The following MTRES1 variants were observed in gnomAD, a reference collection of about 807,000 sequenced individuals.
MTRES1 encodes uncharacterized protein C6orf203.
In MTRES1, 11 loss-of-function variants were observed where a neutral mutation model predicts 17.4. That is an observed-to-expected ratio of 0.63 (90% CI 0.40 to 1.05). MTRES1 has a LOEUF of 1.05. MTRES1 is among the 50% of genes least tolerant of loss of function. The pLI is 0.00. For missense variants in MTRES1, 268 were observed against 276.2 expected, an observed-to-expected ratio of 0.97 and a Z score of 0.21; for synonymous variants, 94 against 99.6, an observed-to-expected ratio of 0.94 and a Z score of 0.34.
rs570807770 is a variant in MTRES1, at chr6:107,034,208, G to A, written c.-12-5541G>A. ...CATTCCTCAAAGTAAACAACGGTACGGTATAAAGCTAGGACTTTTCTCAAA... is the reference window on the plus strand; with the variant it reads ...CATTCCTCAAAGTAAACAACGGTACAGTATAAAGCTAGGACTTTTCTCAAA... On this transcript the variant is annotated intron_variant, in intron 1 of 3. Transcript: ENST00000311381. Among the ~76,000 whole-genome samples the A allele has an allele frequency of 2.0e-5, 3 of 152,176 alleles. No homozygotes were observed. In the East Asian group the frequency reaches 5.8e-4, roughly 29 times the overall value.
intron 1 of MTRES1, among the ~76,000 whole-genome samples, chr6:107,032,846 C>G (rs570905934): frequency 6.6e-6 from 1 of 152,192 alleles, no homozygotes; most frequent in Non-Finnish European, 1.5e-5. Context: ...CCCCATAGCT[C>G]GGTTTCAGGC....
At chr6:107,028,793 C>A in intron 1 of MTRES1, 2 of 672,292 alleles carry the variant, frequency 3.0e-6, no homozygotes, top group Non-Finnish European at 3.7e-6. Context: ...TTCTTACAGT[C>A]TTCGGTTAGT....
chr6:107,031,890 C>G (rs554541505), intron 1 of MTRES1, among the ~76,000 whole-genome samples: 1 of 152,068 alleles, frequency 6.6e-6, no homozygotes, highest in Admixed American at 6.6e-5. Context: ...CATGAGCCAC[C>G]GTGTCCGGCC....
intron 3 of MTRES1, among the ~76,000 whole-genome samples, chr6:107,045,206 G>A (rs1185823127): frequency 6.6e-6 from 1 of 151,898 alleles, no homozygotes; most frequent in Non-Finnish European, 1.5e-5. Context: ...TTCTGGCTGG[G>A]CGCAGTGACT....
At chr6:107,035,828 T>C (rs568448320) in intron 1 of MTRES1, among the ~76,000 whole-genome samples, 1 of 152,034 alleles carries the variant, frequency 6.6e-6, no homozygotes, top group South Asian at 2.1e-4. Context: ...TTTGTGTTTT[T>C]AGTAGAGATG....
At chr6:107,034,522 C>T (rs1773943417) in intron 1 of MTRES1, among the ~76,000 whole-genome samples, 1 of 151,926 alleles carries the variant, frequency 6.6e-6, no homozygotes, top group African/African-American at 2.4e-5. Context: ...GGAGTCAGAA[C>T]ACTGATGGAC....
chr6:107,034,797 G>A (rs2114944737), intron 1 of MTRES1, among the ~76,000 whole-genome samples: 1 of 152,238 alleles, frequency 6.6e-6, no homozygotes, highest in Non-Finnish European at 1.5e-5. Context: ...AGACCAGCCT[G>A]ACCAACATGG....
At chr6:107,031,919 A>C (rs1268321450) in intron 1 of MTRES1, among the ~76,000 whole-genome samples, 1 of 152,160 alleles carries the variant, frequency 6.6e-6, no homozygotes, top group Non-Finnish European at 1.5e-5. Flanking sequence ...AGTCTTGAGA[A>C]GCAGCAGCCA....
chr6:107,043,970 T>TA (rs1554228083), intron 2 of MTRES1, among the ~76,000 whole-genome samples: 1 of 152,108 alleles, frequency 6.6e-6, no homozygotes, highest in Non-Finnish European at 1.5e-5. Flanking sequence ...CTACTAAAAA[T>TA]ACAAAAGTTA....
chr6:107,030,850 T>C (rs1319110442), intron 1 of MTRES1, among the ~76,000 whole-genome samples: 5 of 152,176 alleles, frequency 3.3e-5, no homozygotes, highest in Admixed American at 2.6e-4. Context: ...AGGCCTGTTA[T>C]GTTAACTCGT....
intron 1 of MTRES1, among the ~76,000 whole-genome samples, chr6:107,034,662 C>T (rs1031572422): frequency 2.0e-5 from 3 of 152,114 alleles, no homozygotes; most frequent in African/African-American, 7.2e-5. Flanking sequence ...AGAGCAATGC[C>T]TGGCCCACGG....
intron 2 of MTRES1, among the ~76,000 whole-genome samples, chr6:107,043,012 A>C (rs1774269178): frequency 1.3e-5 from 2 of 152,094 alleles, no homozygotes; most frequent in Non-Finnish European, 2.9e-5. Flanking sequence ...CTCAAAATGG[A>C]GACTGGGGAA....
At chr6:107,048,349 G>A (rs1363807178) in intron 3 of MTRES1, among the ~76,000 whole-genome samples, 1 of 151,792 alleles carries the variant, frequency 6.6e-6, no homozygotes, top group African/African-American at 2.4e-5. Flanking sequence ...TGGCCAGGCT[G>A]GTCTTGAACT....
At position 107,051,149 on chromosome 6, in the gene MTRES1, T is replaced by C. The variant is rs1554229169; in HGVS notation, c.636T>C (p.Phe212=). Residue 212 remains phenylalanine, a synonymous_variant, in exon 4 of 4, where the codon TTT becomes TTC. Transcript: ENST00000311381. ...TGCGGATTCTCTTGAAAAAAGTGTTTGAAGAGAAGACTGAAAGTGAAAAAT... is the reference window on the plus strand; with the variant it reads ...TGCGGATTCTCTTGAAAAAAGTGTTCGAAGAGAAGACTGAAAGTGAAAAAT... The part of the protein sequence containing the change: ...TVMRILLKKV[F]EEKTESEKYR... The C allele has an allele frequency of 6.2e-7, 1 of 1,614,086 alleles. No homozygotes were observed. The highest frequency in any genetic ancestry group is 1.1e-5 in the South Asian group (1 of 91,074).
chr6:107,043,240 A>G (rs1372249918), intron 2 of MTRES1, among the ~76,000 whole-genome samples: 1 of 152,052 alleles, frequency 6.6e-6, no homozygotes, highest in African/African-American at 2.4e-5. Flanking sequence ...AGGCTGAGGC[A>G]GGAGAATGGC....
At chr6:107,047,984 G>A (rs543188206) in intron 3 of MTRES1, among the ~76,000 whole-genome samples, 2 of 152,310 alleles carry the variant, frequency 1.3e-5, no homozygotes, top group South Asian at 4.1e-4. Flanking sequence ...GTGTCGTTGA[G>A]CCCAGGAGTT....
intron 2 of MTRES1, among the ~76,000 whole-genome samples, chr6:107,043,296 C>T (rs564851512): frequency 4.6e-5 from 7 of 151,340 alleles, no homozygotes; most frequent in Non-Finnish European, 1.0e-4. Flanking sequence ...ACCACACCAC[C>T]GCACTCCAGC....
intron 2 of MTRES1, chr6:107,040,636 T>A (rs566138125): frequency 6.1e-6 from 1 of 164,212 alleles, no homozygotes; most frequent in Non-Finnish European, 1.3e-5. Flanking sequence ...TTTGAGAGGC[T>A]GAGCTGGGCG....
At chr6:107,032,451 G>A (rs1161871158) in intron 1 of MTRES1, among the ~76,000 whole-genome samples, 2 of 152,078 alleles carry the variant, frequency 1.3e-5, no homozygotes, top group Non-Finnish European at 2.9e-5. Flanking sequence ...AGTGGATCAC[G>A]CCTGTAATTC....
Sources: allele counts gnomAD v4.1 joint callset (sites outside exome capture counted in the v4.1 genomes callset), GRCh38; gene constraint gnomAD v4.1.1; transcripts MANE v1.5; gene names NCBI Gene and HGNC (gene_info 2026-07-23, HGNC 2026-07-21).